Variants in SUN3 observed in about 807,000 individuals in gnomAD.
SUN3 encodes the protein SUN domain-containing protein 3.
In SUN3, 36 loss-of-function variants were observed where a neutral mutation model predicts 48.2. That is an observed-to-expected ratio of 0.75 (90% CI 0.57 to 0.99). The LOEUF (loss-of-function observed/expected upper bound fraction) is 0.99, where lower values mean the gene tolerates loss of function less well. SUN3 is among the 50% of genes least tolerant of loss of function. The probability of loss-of-function intolerance (pLI) is 0.00; values close to 1 mark genes in which losing one functional copy is unlikely to be tolerated. For synonymous variants in SUN3, 148 were observed against 147.9 expected (o/e 1.00, Z 0.00); for missense variants, 419 against 433.1 (o/e 0.97, Z 0.29).
rs868188521 is a variant in SUN3, at chr7:48,007,182, C to T, written c.475G>A (p.Asp159Asn). The T allele has an allele frequency of 6.2e-7, 1 of 1,607,850 alleles. No individual in the cohort carries two copies. The highest frequency in any genetic ancestry group is 1.7e-4 in the Middle Eastern group (1 of 6,042). Reference sequence around the variant, plus strand: ...TCCAGGACCTCTGTGTGGTCCGGGTCCTCCACAGGGTCTCCATGGGTGTTC... The same window carrying T: ...TCCAGGACCTCTGTGTGGTCCGGGTTCTCCACAGGGTCTCCATGGGTGTTC... ...NWNTHGDPVE[D>N]PDHTEEVSNL... Residue 159 changes from aspartate (D) to asparagine (N), a missense_variant, in exon 5 of 10, where the codon GAC (aspartate) becomes AAC (asparagine). Asp to Asn is a conservative substitution (Grantham distance 23). Transcript: ENST00000297325.
intron 6 of SUN3, among the ~76,000 whole-genome samples, chr7:48,003,566 G>A (rs1183049219): frequency 6.6e-6 from 1 of 152,086 alleles, no homozygotes; most frequent in African/African-American, 2.4e-5. Context: ...ATTTGTTTAT[G>A]TCATCTCTGA....
chr7:48,005,582 A>ATT (rs752354370), intron 6 of SUN3, among the ~76,000 whole-genome samples: 82 of 152,328 alleles, frequency 5.4e-4, no homozygotes, highest in Admixed American at 1.8e-3. Context: ...TATTAGGAAC[A>ATT]TTATATATAA....
intron 6 of SUN3, 119 bp downstream of exon 6, chr7:48,005,850 T>TC (rs34145615): frequency 0.2 from 87,261 of 440,868 alleles, 10,778 homozygotes; most frequent in Middle Eastern, 0.39. Context: ...TTGATTAATT[T>TC]CCCCCCCCCA....
chr7:47,987,889 G>A (rs1282053656), intron 9 of SUN3, among the ~76,000 whole-genome samples: 1 of 152,126 alleles, frequency 6.6e-6, no homozygotes, highest in Non-Finnish European at 1.5e-5. Flanking sequence ...TAATGAATGA[G>A]AAAATAAGCT....
chr7:48,009,809 G>A (rs1391330632), intron 3 of SUN3, among the ~76,000 whole-genome samples: 2 of 152,174 alleles, frequency 1.3e-5, no homozygotes, highest in East Asian at 3.8e-4. Flanking sequence ...GCATGCTGGA[G>A]TGCAGGCAGC....
intron 6 of SUN3, among the ~76,000 whole-genome samples, chr7:48,001,475 T>C (rs947517378): frequency 6.6e-6 from 1 of 151,656 alleles, no homozygotes; most frequent in Admixed American, 6.6e-5. Flanking sequence ...ATTTTCTTTA[T>C]CCAGTCTATC....
intron 5 of SUN3, among the ~76,000 whole-genome samples, chr7:48,006,675 A>G (rs80223116): frequency 0.026 from 3,995 of 152,298 alleles, 170 homozygotes; most frequent in African/African-American, 0.091. Flanking sequence ...CAGGTGGTCC[A>G]TGTCAGATTG....
At position 48,017,299 on chromosome 7, in the gene SUN3, A is replaced by G. The variant is rs762658067; in HGVS notation, c.251T>C (p.Ile84Thr). Residue 84 changes from isoleucine to threonine, a missense_variant, in exon 3 of 10, where the codon ATA (isoleucine) becomes ACA (threonine). Physicochemically the swap from Ile to Thr is moderately conservative, Grantham distance 89. Transcript: ENST00000297325. ...AAGCCTTGAACCATATTCTGCAATT[A>G]TGGCATATAATTGTCTGGATTTCTG... ...VPQKSRQLYA[I>T]IAEYGSRLYK... 1.4e-5 allele frequency: 22 copies of G among 1,607,780 alleles called. No homozygotes were observed. Among genetic ancestry groups the G allele is most frequent in the Middle Eastern group, 1.7e-4 (1 of 6,048 alleles).
chr7:47,993,464 G>A (rs1467838989), intron 8 of SUN3, among the ~76,000 whole-genome samples: 3 of 152,106 alleles, frequency 2.0e-5, no homozygotes, highest in Non-Finnish European at 2.9e-5. Context: ...ACAATGAAAT[G>A]TTATTCAGCA....
intron 8 of SUN3, chr7:47,991,126 AG>A (rs1265034504): frequency 4.6e-6 from 2 of 437,142 alleles, no homozygotes; most frequent in African/African-American, 4.1e-5. Context: ...CATGCTGCCC[AG>A]GCTGGCCTCG....
intron 3 of SUN3, among the ~76,000 whole-genome samples, chr7:48,012,151 T>C (rs1283041830): frequency 6.6e-6 from 1 of 152,202 alleles, no homozygotes; most frequent in Non-Finnish European, 1.5e-5. Context: ...ACAAAGCCTA[T>C]GTCAGGGAAA....
intron 8 of SUN3, among the ~76,000 whole-genome samples, chr7:47,991,541 A>G (rs1789059247): frequency 3.3e-4 from 1 of 3,008 alleles, no homozygotes; most frequent in South Asian, 5.6e-3. Flanking sequence ...TGGGAAGATC[A>G]TAATTGAAGG....
chr7:47,993,530 A>G (rs917426161), intron 8 of SUN3, among the ~76,000 whole-genome samples: 2 of 152,260 alleles, frequency 1.3e-5, no homozygotes, highest in Admixed American at 1.3e-4. Flanking sequence ...CCTTGAAAAC[A>G]GTATGCAAAG....
Position 48,009,074 on chromosome 7 carries a change from G to A in SUN3, c.290C>T (p.Ala97Val), listed in dbSNP as rs1789610769. 6.2e-7 allele frequency: 1 copy of A among 1,611,298 alleles called. No individual in the cohort carries two copies. The highest frequency in any genetic ancestry group is 1.3e-5 in the African/African-American group (1 of 74,716). ...TTGCTCTTTAGGCATACGAAGTCTG[G>A]CCTGAAAACAACAGAAAAAGATAAA... ...EYGSRLYKYQARLRMPKEQLE... is the reference protein window; with the variant it reads ...EYGSRLYKYQVRLRMPKEQLE... Residue 97 changes from alanine to valine, a missense_variant and splice_region_variant, in exon 4 of 10, where the codon GCC (alanine) becomes GTC (valine). Transcript: ENST00000297325.
At chr7:48,004,259 G>GT (rs1789464893) in intron 6 of SUN3, among the ~76,000 whole-genome samples, 1 of 152,198 alleles carries the variant, frequency 6.6e-6, no homozygotes, top group African/African-American at 2.4e-5. Context: ...TGCATGCCAA[G>GT]TAATTGTGAT....
At chr7:48,027,567 A>G (rs993619004) in intron 1 of SUN3, among the ~76,000 whole-genome samples, 1 of 152,234 alleles carries the variant, frequency 6.6e-6, no homozygotes, top group African/African-American at 2.4e-5. Context: ...AAAGTATTAC[A>G]AGTTGGCAAA....
intron 8 of SUN3, among the ~76,000 whole-genome samples, chr7:47,993,550 C>G (rs1054857047): frequency 6.6e-6 from 1 of 152,014 alleles, no homozygotes; most frequent in Non-Finnish European, 1.5e-5. Flanking sequence ...GTTAAAGAAG[C>G]CATTCACAAA....
chr7:48,016,854 A>G (rs1195417671), intron 3 of SUN3, among the ~76,000 whole-genome samples: 2 of 152,210 alleles, frequency 1.3e-5, no homozygotes, highest in African/African-American at 2.4e-5. Flanking sequence ...ATCTGAGAGC[A>G]TGGCACTGCC....
chr7:48,015,730 T>C (rs1263082291), intron 3 of SUN3, among the ~76,000 whole-genome samples: 2 of 152,082 alleles, frequency 1.3e-5, no homozygotes, highest in Non-Finnish European at 2.9e-5. Flanking sequence ...GAAACCACCT[T>C]TGCAAAAATG....
Sources: gnomAD v4.1 joint callset for allele counts (sites outside exome capture counted in the v4.1 genomes callset) on GRCh38, gnomAD v4.1.1 for gene constraint, MANE v1.5 for transcripts, NCBI Gene and HGNC (gene_info 2026-07-23, HGNC 2026-07-21) for gene names.